The following CD2AP variants were observed in gnomAD, a reference collection of about 807,000 sequenced individuals.
CD2AP encodes CD2 associated protein.
In CD2AP, 46 loss-of-function variants were observed where a neutral mutation model predicts 85.1. The ratio of observed to expected loss-of-function variants is 0.54; its 90% CI spans 0.43 to 0.69. The LOEUF is 0.69. Ranked by LOEUF, CD2AP falls within the 30% of genes least tolerant of loss-of-function variation. The pLI is 0.00. For synonymous variants in CD2AP, 255 were observed against 252.9 expected, an observed-to-expected ratio of 1.01 and a Z score of -0.08; for missense variants, 769 against 729.5, an observed-to-expected ratio of 1.05 and a Z score of -0.62.
At chr6:47,596,720 T>C (rs1202881006) in intron 12 of CD2AP, among the ~76,000 whole-genome samples, 1 of 152,136 alleles carries the variant, frequency 6.6e-6, no homozygotes, top group Non-Finnish European at 1.5e-5. Flanking sequence ...GTAGTAAACA[T>C]GGGAATGCAT....
chr6:47,562,915 GA>G (rs955700857), intron 5 of CD2AP: 1 of 653,360 alleles, frequency 1.5e-6, no homozygotes, highest in Non-Finnish European at 2.8e-6. Context: ...GACAGAGAGA[GA>G]AAACCCTATA....
At chr6:47,546,120 G>A (rs1476905036) in intron 4 of CD2AP, among the ~76,000 whole-genome samples, 1 of 152,070 alleles carries the variant, frequency 6.6e-6, no homozygotes, top group Non-Finnish European at 1.5e-5. Flanking sequence ...TACAAGAAGT[G>A]AAGGGAGAAA....
chr6:47,585,192 A>G (rs1768590584), intron 11 of CD2AP, among the ~76,000 whole-genome samples: 1 of 131,952 alleles, frequency 7.6e-6, no homozygotes, highest in Non-Finnish European at 1.8e-5. Context: ...AGTCCCAGCT[A>G]CTCAGGAGGC....
intron 5 of CD2AP, chr6:47,562,627 G>C: frequency 2.1e-6 from 1 of 473,122 alleles, no homozygotes. Context: ...TGGTAGAAGA[G>C]GGTATTGTTG....
At position 47,595,917 on chromosome 6, in the gene CD2AP, C is replaced by T. The variant is rs1295019907; in HGVS notation, c.1165C>T (p.Pro389Ser). Residue 389 changes from proline (P) to serine (S), a missense_variant, in exon 12 of 18, where the codon CCC becomes TCC. Coordinates refer to ENST00000359314, the MANE Select transcript of CD2AP (RefSeq NM_012120.3). ...PSKPAAPQVP[P>S]KKPTPPTKAS... is the part of the protein sequence containing the mutation. The stretch of plus-strand genomic sequence containing the variant: ...TAAACCAGCAGCTCCACAAGTCCCA[C>T]CCAAGAAACCTACTCCACCTACCAA... 2 of 1,612,772 alleles carry T rather than the reference C, an allele frequency of 1.2e-6. No individual in the cohort carries two copies. Among genetic ancestry groups the T allele is most frequent in the Non-Finnish European group, 1.7e-6 (2 of 1,179,014 alleles).
intron 5 of CD2AP, among the ~76,000 whole-genome samples, chr6:47,568,429 G>A (rs185752000): frequency 6.6e-6 from 1 of 152,212 alleles, no homozygotes; most frequent in Non-Finnish European, 1.5e-5. Context: ...GGGCTTGATA[G>A]TACTTTAGGT....
intron 3 of CD2AP, among the ~76,000 whole-genome samples, chr6:47,536,642 G>C (rs1767055344): frequency 6.6e-6 from 1 of 152,194 alleles, no homozygotes; most frequent in African/African-American, 2.4e-5. Context: ...AAGCATGGTA[G>C]CTCATTTGGT....
intron 3 of CD2AP, among the ~76,000 whole-genome samples, chr6:47,534,647 C>G (rs1766977417): frequency 6.6e-6 from 1 of 152,088 alleles, no homozygotes; most frequent in Non-Finnish European, 1.5e-5. Flanking sequence ...GAGCCGAGAT[C>G]TGCCATTGCA....
At chr6:47,589,230 T>C (rs192953372) in intron 11 of CD2AP, among the ~76,000 whole-genome samples, 1 of 152,098 alleles carries the variant, frequency 6.6e-6, no homozygotes, top group African/African-American at 2.4e-5. Context: ...AAGTGTTTAG[T>C]TGGAAGGTGC....
chr6:47,510,698 G>A (rs955003150), intron 2 of CD2AP, among the ~76,000 whole-genome samples: 1 of 152,124 alleles, frequency 6.6e-6, no homozygotes, highest in Non-Finnish European at 1.5e-5. Context: ...AAAATTCCAA[G>A]TGATAATTCT....
At chr6:47,519,243 G>T (rs535634108) in intron 2 of CD2AP, among the ~76,000 whole-genome samples, 4 of 152,320 alleles carry the variant, frequency 2.6e-5, no homozygotes, top group Admixed American at 6.5e-5. Flanking sequence ...GATAAGTTGG[G>T]TGGTCTAGAA....
chr6:47,515,067 A>AT (rs1253490131), intron 2 of CD2AP, among the ~76,000 whole-genome samples: 3 of 151,894 alleles, frequency 2.0e-5, no homozygotes, highest in African/African-American at 7.3e-5. Flanking sequence ...AAAAAAAAAA[A>AT]GTAACACTGA....
intron 2 of CD2AP, among the ~76,000 whole-genome samples, chr6:47,506,406 C>G (rs1766166633): frequency 3.1e-5 from 1 of 32,340 alleles, no homozygotes; most frequent in East Asian, 4.1e-4. Flanking sequence ...GGGTGGCGGC[C>G]GGGCAGAGGC....
At chr6:47,623,542 ACT>A (rs1468268937) in intron 17 of CD2AP, among the ~76,000 whole-genome samples, 1 of 152,114 alleles carries the variant, frequency 6.6e-6, no homozygotes, top group African/African-American at 2.4e-5. Context: ...GTATTGAATA[ACT>A]CTGTGTAGTT....
At chr6:47,545,370 A>T (rs960240893) in intron 4 of CD2AP, among the ~76,000 whole-genome samples, 12 of 152,296 alleles carry the variant, frequency 7.9e-5, no homozygotes, top group African/African-American at 2.6e-4. Context: ...AGAGTCTGAG[A>T]TCAGAAATGC....
Position 47,593,359 on chromosome 6 carries a change from AG to A in CD2AP, c.1109-2500del, listed in dbSNP as rs1768853616. On this transcript the variant is annotated intron_variant, in intron 11 of 17. Coordinates refer to ENST00000359314, the MANE Select transcript of CD2AP (RefSeq NM_012120.3). ...ATTTGCAAGTATCTGGAATATGTAA[AG>A]GACTGTTACAACTTAACAACAAAAA... Among the ~76,000 whole-genome samples the A allele has an allele frequency of 2.6e-5, 4 of 152,300 alleles. No homozygotes were observed. The South Asian group carries it at 8.3e-4, about 32-fold the overall frequency.
intron 5 of CD2AP, among the ~76,000 whole-genome samples, chr6:47,569,206 T>G (rs1768082014): frequency 6.6e-6 from 1 of 152,162 alleles, no homozygotes; most frequent in South Asian, 2.1e-4. Flanking sequence ...CATCTTGACA[T>G]ACTAATGGCT....
intron 1 of CD2AP, among the ~76,000 whole-genome samples, chr6:47,490,541 T>C (rs1419493844): frequency 6.6e-6 from 1 of 152,178 alleles, no homozygotes; most frequent in Non-Finnish European, 1.5e-5. Context: ...TTTTGTATGT[T>C]TTTTGTTTTT....
At chr6:47,610,541 T>G (rs1046745536) in intron 16 of CD2AP, among the ~76,000 whole-genome samples, 13 of 152,132 alleles carry the variant, frequency 8.5e-5, no homozygotes, top group African/African-American at 3.1e-4. Context: ...AAGAATCTTA[T>G]TAAAAATAAT....
Sources: allele counts gnomAD v4.1 joint callset (sites outside exome capture counted in the v4.1 genomes callset), GRCh38; gene constraint gnomAD v4.1.1; transcripts MANE v1.5; gene names NCBI Gene and HGNC (gene_info 2026-07-23, HGNC 2026-07-21).